Variants in DTNB observed in about 807,000 individuals in gnomAD.
DTNB encodes DTN-B.
Under a neutral mutation model 90.7 loss-of-function variants are expected in DTNB, and 63 were observed. The ratio of observed to expected loss-of-function variants is 0.69; its 90% confidence interval spans 0.57 to 0.86. The LOEUF (loss-of-function observed/expected upper bound fraction) is 0.86. DTNB is among the 40% of genes least tolerant of loss of function. The pLI, the probability that DTNB is intolerant of heterozygous loss-of-function variation, is 0.00. For synonymous variants in DTNB, 277 were observed against 286.7 expected (o/e 0.97, Z 0.34); for missense variants, 744 against 807.1 (o/e 0.92, Z 0.95).
At chr2:25,422,389 T>A (rs988077393) in intron 15 of DTNB, among the ~76,000 whole-genome samples, 1 of 145,986 alleles carries the variant, frequency 6.8e-6, no homozygotes, top group African/African-American at 2.5e-5. Context: ...AGTTTCCTTT[T>A]CTCTTCTTTT....
chr2:25,614,109 T>G (rs1361679909), intron 4 of DTNB, among the ~76,000 whole-genome samples: 1 of 152,138 alleles, frequency 6.6e-6, no homozygotes, highest in Non-Finnish European at 1.5e-5. Context: ...TTTGAATAGA[T>G]GCAGAGATGA....
chr2:25,397,967 T>G (rs955584661), intron 16 of DTNB, among the ~76,000 whole-genome samples: 6 of 151,446 alleles, frequency 4.0e-5, no homozygotes, highest in African/African-American at 1.5e-4. Context: ...ATTAAACATA[T>G]GGCGAGGACT....
intron 8 of DTNB, among the ~76,000 whole-genome samples, chr2:25,565,234 T>A (rs1182301650): frequency 3.3e-5 from 5 of 152,110 alleles, no homozygotes; most frequent in African/African-American, 1.2e-4. Context: ...TGATGTTAAC[T>A]GTGGGTTTTT....
intron 16 of DTNB, among the ~76,000 whole-genome samples, chr2:25,392,408 T>C (rs1264148436): frequency 6.6e-6 from 1 of 152,022 alleles, no homozygotes; most frequent in Non-Finnish European, 1.5e-5. Context: ...AGACTCCATC[T>C]CAAAAATGAA....
chr2:25,568,779 T>C (rs375418067), intron 8 of DTNB, among the ~76,000 whole-genome samples: 26 of 152,166 alleles, frequency 1.7e-4, no homozygotes, highest in Admixed American at 2.6e-4. Context: ...ACCTTTGCAA[T>C]GTGACCCTCC....
At chr2:25,463,179 T>C (rs2061277362) in intron 10 of DTNB, among the ~76,000 whole-genome samples, 1 of 152,312 alleles carries the variant, frequency 6.6e-6, no homozygotes, top group East Asian at 1.9e-4. Context: ...CTCTTGATTC[T>C]TTCCACCCCA....
intron 12 of DTNB, among the ~76,000 whole-genome samples, chr2:25,440,637 T>C (rs1012958060): frequency 1.1e-4 from 16 of 152,178 alleles, no homozygotes; most frequent in Non-Finnish European, 1.0e-4. Flanking sequence ...AGTATATAGG[T>C]ATCATTTTTG....
At chr2:25,635,072 AAAAAAAG>A (rs1276009916) in intron 3 of DTNB, among the ~76,000 whole-genome samples, 74 of 149,280 alleles carry the variant, frequency 5.0e-4, no homozygotes, top group Admixed American at 4.5e-3. Context: ...ATAAAAAAAT[AAAAAAAG>A]AAAAAAAAAA....
chr2:25,518,414 T>C (rs936410760), intron 9 of DTNB, among the ~76,000 whole-genome samples: 1 of 152,134 alleles, frequency 6.6e-6, no homozygotes, highest in African/African-American at 2.4e-5. Context: ...GTTCTGAGTT[T>C]TGTTGTATTA....
chr2:25,633,637 G>T (rs1559322793), intron 3 of DTNB, among the ~76,000 whole-genome samples: 1 of 151,848 alleles, frequency 6.6e-6, no homozygotes, highest in Non-Finnish European at 1.5e-5. Flanking sequence ...CGTCTGGGAT[G>T]TGAGGAGCCC....
At chr2:25,525,699 A>C (rs532265192) in intron 9 of DTNB, among the ~76,000 whole-genome samples, 30 of 152,244 alleles carry the variant, frequency 2.0e-4, no homozygotes, top group African/African-American at 5.8e-4. Flanking sequence ...TAATAAGGAA[A>C]AATCCAAGTT....
At chr2:25,489,465 T>C (rs1030073066) in intron 9 of DTNB, among the ~76,000 whole-genome samples, 1 of 152,172 alleles carries the variant, frequency 6.6e-6, no homozygotes, top group Admixed American at 6.5e-5. Flanking sequence ...GCTATATGCA[T>C]GGGAAAATAC....
At chr2:25,633,811 C>T (rs2076352289) in intron 3 of DTNB, among the ~76,000 whole-genome samples, 1 of 150,866 alleles carries the variant, frequency 6.6e-6, no homozygotes. Flanking sequence ...GTGGGGAGCG[C>T]CTCTGCCCCG....
chr2:25,425,928 T>C (rs114247195), intron 15 of DTNB, among the ~76,000 whole-genome samples: 1,570 of 152,270 alleles, frequency 0.01, 30 homozygotes, highest in African/African-American at 0.036. Context: ...CAACAATAGA[T>C]AGACTTCATA....
chr2:25,442,827 C>T (rs1394729619), intron 12 of DTNB, among the ~76,000 whole-genome samples: 1 of 152,160 alleles, frequency 6.6e-6, no homozygotes, highest in East Asian at 1.9e-4. Flanking sequence ...GCCTCGGTTT[C>T]CTTTTTTGTA....
At chr2:25,619,700 G>A (rs1412201373) in intron 4 of DTNB, among the ~76,000 whole-genome samples, 1 of 152,104 alleles carries the variant, frequency 6.6e-6, no homozygotes, top group African/African-American at 2.4e-5. Context: ...TCATCAAAAG[G>A]ATGAAAATGG....
At chr2:25,508,514 T>G (rs2073059468) in intron 9 of DTNB, among the ~76,000 whole-genome samples, 1 of 151,146 alleles carries the variant, frequency 6.6e-6, no homozygotes, top group Admixed American at 6.6e-5. Flanking sequence ...TTTTTTTTTT[T>G]TTGAGATGGA....
At chr2:25,456,327 A>G (rs1475753450) in intron 10 of DTNB, among the ~76,000 whole-genome samples, 1 of 152,198 alleles carries the variant, frequency 6.6e-6, no homozygotes, top group African/African-American at 2.4e-5. Flanking sequence ...TCACCTGGGA[A>G]TACTTGAGCC....
At chr2:25,397,708 T>C (rs1156906455) in intron 16 of DTNB, among the ~76,000 whole-genome samples, 5 of 151,944 alleles carry the variant, frequency 3.3e-5, no homozygotes, top group Admixed American at 2.6e-4. Flanking sequence ...GGCGAAACCC[T>C]GTCTCTACTA....
Sources: allele counts gnomAD v4.1 joint callset (sites outside exome capture counted in the v4.1 genomes callset), GRCh38; gene constraint gnomAD v4.1.1; transcripts MANE v1.5; gene names NCBI Gene and HGNC (gene_info 2026-07-23, HGNC 2026-07-21).